GNAO1: variants seen among roughly 807,000 people sequenced by gnomAD.
The protein encoded by GNAO1 is G protein subunit alpha o1.
For missense variants in GNAO1, 166 were observed against 478.7 expected (o/e 0.35, Z 6.10); for synonymous variants, 164 against 180.7 (o/e 0.91, Z 0.74).
intron 2 of GNAO1, among the ~76,000 whole-genome samples, chr16:56,241,999 C>T (rs1195055833): frequency 2.0e-5 from 3 of 152,208 alleles, no homozygotes; most frequent in African/African-American, 7.2e-5. Flanking sequence ...AGGGTGGTCA[C>T]TGCTAGTTAG....
At chr16:56,321,464 C>T (rs1173246725) in intron 3 of GNAO1, among the ~76,000 whole-genome samples, 1 of 152,160 alleles carries the variant, frequency 6.6e-6, no homozygotes, top group Non-Finnish European at 1.5e-5. Flanking sequence ...TGTCCTGGGG[C>T]TGGCTGGGAC....
chr16:56,271,963 G>A (rs957313224), intron 2 of GNAO1, among the ~76,000 whole-genome samples: 35 of 152,142 alleles, frequency 2.3e-4, no homozygotes, highest in African/African-American at 7.7e-4. Context: ...AGAAAATAAA[G>A]AGGGTCTTTA....
rs543498434 is a variant in GNAO1 at position 56,347,876 on chromosome 16, G to A, written c.724-3508G>A. The A allele has an allele frequency of 2.7e-5, 26 of 976,564 alleles. No individual in the cohort carries two copies. In the African/African-American group the frequency reaches 2.7e-4, roughly 10 times the overall value. The allele number at this position is 976,564 out of a possible 1,614,324, so 60.5% of individuals were successfully genotyped here. A position where few individuals can be genotyped will look rare whatever the true frequency, so the allele number is the denominator to read the frequency against. ...CCTGCCTCCTGGTCTTCTCTACTCC[G>A]CTGGTTCTGACCCATCCCCTGGCTC... On this transcript the variant is annotated intron_variant, in intron 6 of 8. Coordinates refer to ENST00000262493, the MANE Select transcript of GNAO1 (RefSeq NM_020988.3).
Position 56,351,530 on chromosome 16 carries a change from A to G in GNAO1, c.870A>G (p.Glu290=), listed in dbSNP as rs145546431. ...CACCTTTGACCATCTGCTTTCCTGAATACACAGGTGGGTGCCAGGCAGTCC... is the reference window on the plus strand; with the variant it reads ...CACCTTTGACCATCTGCTTTCCTGAGTACACAGGTGGGTGCCAGGCAGTCC... ...KKSPLTICFP[E]YTGPNTYEDA... Residue 290 remains glutamate (E), a synonymous_variant, in exon 7 of 9, where the codon GAA becomes GAG. Transcript: ENST00000262493. This position sits in a 1 kb window ranked among gnomAD's most constrained non-coding sequence, Gnocchi z 6.1. 88 of 1,612,090 alleles carry G rather than the reference A, an allele frequency of 5.5e-5. No individual in the cohort carries two copies. Among genetic ancestry groups the G allele is most frequent in the Non-Finnish European group, 7.1e-5 (84 of 1,179,380 alleles).
intron 8 of GNAO1, 93 bp downstream of exon 8, chr16:56,355,174 G>T: frequency 2.4e-6 from 1 of 412,790 alleles, no homozygotes. Context: ...AATGCAAGTT[G>T]GTAAATAAAC....
At chr16:56,347,567 G>A in intron 6 of GNAO1, 1 of 985,612 alleles carries the variant, frequency 1.0e-6, no homozygotes, top group Non-Finnish European at 1.2e-6. Context: ...CAGGCTGGGG[G>A]AAAAGCAGAA....
chr16:56,266,856 T>C (rs980788907), intron 2 of GNAO1, among the ~76,000 whole-genome samples: 3 of 152,128 alleles, frequency 2.0e-5, no homozygotes, highest in Admixed American at 2.0e-4. Flanking sequence ...GTGCTCAGTA[T>C]ATATATATTC....
chr16:56,218,599 G>A (rs1293011170), intron 2 of GNAO1, among the ~76,000 whole-genome samples: 1 of 152,154 alleles, frequency 6.6e-6, no homozygotes, highest in African/African-American at 2.4e-5. Flanking sequence ...GCAACCCGCT[G>A]CCCAGTACTT....
intron 3 of GNAO1, among the ~76,000 whole-genome samples, chr16:56,288,461 C>A (rs1468430845): frequency 6.6e-6 from 1 of 152,200 alleles, no homozygotes; most frequent in Non-Finnish European, 1.5e-5. Flanking sequence ...GGAAGTAAGA[C>A]CAGAGCACAT....
At chr16:56,194,005 G>A in intron 2 of GNAO1, 1 of 411,314 alleles carries the variant, frequency 2.4e-6, no homozygotes, top group East Asian at 7.3e-5. Context: ...GGGAGTGGGA[G>A]ACGAAGCATG....
At chr16:56,348,881 GT>G (rs2037897210) in intron 6 of GNAO1, among the ~76,000 whole-genome samples, 3 of 152,164 alleles carry the variant, frequency 2.0e-5, no homozygotes, top group African/African-American at 7.2e-5. Context: ...GGTTATGCCT[GT>G]CCTCTGCTCC....
chr16:56,253,994 T>C (rs1459816794), intron 2 of GNAO1, among the ~76,000 whole-genome samples: 1 of 152,174 alleles, frequency 6.6e-6, no homozygotes, highest in African/African-American at 2.4e-5. Flanking sequence ...ATGCCTTTTC[T>C]TCAAATCTGG....
rs78769501 is a variant in GNAO1 at position 56,319,364 on chromosome 16, G to A, written c.304-9267G>A. Among the ~76,000 whole-genome samples the A allele has an allele frequency of 6.2e-3, 940 of 152,260 alleles. 15 individuals are homozygous for A. Among genetic ancestry groups the A allele is most frequent in the African/African-American group, 0.021 (863 of 41,534 alleles). ...CATCTGCTACATCTCTGAGAAGCGCGGAAGAAGGTGCTATGACAGGAGAAG... is the reference window on the plus strand; with the variant it reads ...CATCTGCTACATCTCTGAGAAGCGCAGAAGAAGGTGCTATGACAGGAGAAG... On this transcript the variant is annotated intron_variant, in intron 3 of 8. Transcript: ENST00000262493.
intron 2 of GNAO1, among the ~76,000 whole-genome samples, chr16:56,229,017 T>C (rs1467461048): frequency 1.3e-5 from 2 of 152,244 alleles, no homozygotes; most frequent in Non-Finnish European, 2.9e-5. Flanking sequence ...AGGAGCTCAG[T>C]ATATATTTGT....
rs571051787 is a variant in GNAO1, at chr16:56,273,178, T to C, written c.162-2753T>C. ...ATCCCTCCCATCCTTTGTGCTATGG[T>C]TGAAGTTTTATTTCTATGTATGTTA... On this transcript the variant is annotated intron_variant, in intron 2 of 8. Coordinates refer to ENST00000262493, the MANE Select transcript of GNAO1 (RefSeq NM_020988.3). 1.1e-4 allele frequency among the ~76,000 whole-genome samples: 17 copies of C among 152,342 alleles called. 1 individual carries two copies. The South Asian group carries it at 3.3e-3, about 30-fold the overall frequency.
At chr16:56,209,717 A>G (rs1303493295) in intron 2 of GNAO1, among the ~76,000 whole-genome samples, 1 of 152,080 alleles carries the variant, frequency 6.6e-6, no homozygotes, top group Non-Finnish European at 1.5e-5. Flanking sequence ...TAATGTTTAC[A>G]ATGGTCTTGT....
At chr16:56,206,010 G>C (rs2036324325) in intron 2 of GNAO1, among the ~76,000 whole-genome samples, 1 of 152,090 alleles carries the variant, frequency 6.6e-6, no homozygotes, top group Non-Finnish European at 1.5e-5. Context: ...GGGAAAAATA[G>C]CACACAATGA....
intron 3 of GNAO1, among the ~76,000 whole-genome samples, chr16:56,300,059 A>G (rs1596851082): frequency 1.6e-5 from 1 of 62,776 alleles, no homozygotes; most frequent in African/African-American, 7.0e-5. Flanking sequence ...GCGCACGCAC[A>G]TGTGCTTGTG....
intron 3 of GNAO1, among the ~76,000 whole-genome samples, chr16:56,281,144 T>C (rs2037110450): frequency 6.6e-6 from 1 of 152,248 alleles, no homozygotes; most frequent in South Asian, 2.1e-4. Context: ...AAATTATATA[T>C]GTATACAGTG....
Sources: gnomAD v4.1 joint callset for allele counts (sites outside exome capture counted in the v4.1 genomes callset) on GRCh38, gnomAD v4.1.1 for gene constraint, Gnocchi (gnomAD v3.1) non-coding constraint, MANE v1.5 for transcripts, NCBI Gene and HGNC (gene_info 2026-07-23, HGNC 2026-07-21) for gene names.